MGAT4C: variants seen among roughly 807,000 people sequenced by gnomAD.
MGAT4C encodes alpha-1,3-mannosyl-glycoprotein 4-beta-N-acetylglucosaminyltransferase C.
In MGAT4C, 19 loss-of-function variants were observed where a neutral mutation model predicts 40.1. The ratio of observed to expected loss-of-function variants is 0.47; its 90% CI spans 0.33 to 0.70. MGAT4C has a LOEUF of 0.70. Ranked by LOEUF, MGAT4C falls within the 30% of genes least tolerant of loss-of-function variation. MGAT4C has a pLI of 0.02. For missense variants in MGAT4C, 491 were observed against 563.2 expected (o/e 0.87, Z 1.30); for synonymous variants, 181 against 187.1 (o/e 0.97, Z 0.27).
At chr12:86,124,545 C>T (rs1444352013) in intron 1 of MGAT4C, among the ~76,000 whole-genome samples, 2 of 152,204 alleles carry the variant, frequency 1.3e-5, no homozygotes, top group African/African-American at 4.8e-5. Flanking sequence ...GCTCACAAAA[C>T]ATCCTAATTT....
At chr12:86,720,105 C>A (rs1196109793) in intron 2 of MGAT4C, among the ~76,000 whole-genome samples, 28 of 152,222 alleles carry the variant, frequency 1.8e-4, no homozygotes, top group Admixed American at 1.8e-3. Flanking sequence ...TGGTGGTGGA[C>A]AGGTGGGGGA....
chr12:86,340,686 A>G (rs994928386), intron 3 of MGAT4C, among the ~76,000 whole-genome samples: 1 of 152,146 alleles, frequency 6.6e-6, no homozygotes, highest in African/African-American at 2.4e-5. Flanking sequence ...GGATATCATT[A>G]TTGATGACTC....
chr12:86,023,195 A>T (rs1889930629), intron 2 of MGAT4C, among the ~76,000 whole-genome samples: 1 of 152,126 alleles, frequency 6.6e-6, no homozygotes, highest in Admixed American at 6.6e-5. Flanking sequence ...TTGAAGGGAA[A>T]TGTTATGTTA....
intron 2 of MGAT4C, among the ~76,000 whole-genome samples, chr12:86,598,601 A>G (rs1462110275): frequency 6.6e-6 from 1 of 152,096 alleles, no homozygotes; most frequent in Non-Finnish European, 1.5e-5. Flanking sequence ...CAAAACCTAA[A>G]CATGTAGTGT....
intron 2 of MGAT4C, among the ~76,000 whole-genome samples, chr12:86,661,309 T>C (rs1365428879): frequency 4.6e-5 from 7 of 151,920 alleles, no homozygotes; most frequent in African/African-American, 1.7e-4. Context: ...AAGCAAATAA[T>C]TTTATGAGTA....
intron 3 of MGAT4C, among the ~76,000 whole-genome samples, chr12:86,381,144 A>C (rs1955920435): frequency 6.6e-6 from 1 of 152,188 alleles, no homozygotes; most frequent in South Asian, 2.1e-4. Context: ...TATAGTTGGA[A>C]TCATGTGTAC....
At chr12:86,101,907 ACCT>A (rs1272347784) in intron 1 of MGAT4C, among the ~76,000 whole-genome samples, 1 of 151,822 alleles carries the variant, frequency 6.6e-6, no homozygotes, top group East Asian at 1.9e-4. Context: ...CAAGTTGAAA[ACCT>A]CCTACTGAAT....
chr12:86,426,003 TAA>T (rs1956918276), intron 3 of MGAT4C, among the ~76,000 whole-genome samples: 1 of 152,186 alleles, frequency 6.6e-6, no homozygotes, highest in Non-Finnish European at 1.5e-5. Context: ...AAATAAAAAT[TAA>T]AAAGTTTTCC....
intron 1 of MGAT4C, among the ~76,000 whole-genome samples, chr12:86,837,298 T>A (rs1286525321): frequency 1.3e-5 from 2 of 152,226 alleles, no homozygotes; most frequent in African/African-American, 4.8e-5. Context: ...GAGGACTTTA[T>A]ACTCTTTTCT....
intron 2 of MGAT4C, among the ~76,000 whole-genome samples, chr12:86,545,730 A>T (rs1310898129): frequency 6.6e-6 from 1 of 151,836 alleles, no homozygotes; most frequent in Non-Finnish European, 1.5e-5. Context: ...AGACAAATGA[A>T]CTTTAACTCT....
At chr12:86,510,433 T>C (rs1011259851) in intron 2 of MGAT4C, among the ~76,000 whole-genome samples, 4 of 152,128 alleles carry the variant, frequency 2.6e-5, no homozygotes, top group Non-Finnish European at 4.4e-5. Context: ...CTGCATCAAC[T>C]AACAGGCAAA....
At chr12:86,005,066 C>T (rs529450971) in intron 2 of MGAT4C, among the ~76,000 whole-genome samples, 60 of 152,264 alleles carry the variant, frequency 3.9e-4, no homozygotes, top group Non-Finnish European at 7.5e-4. Flanking sequence ...GATCACACCT[C>T]GTTACCCTCT....
intron 4 of MGAT4C, among the ~76,000 whole-genome samples, chr12:86,264,859 G>C (rs1486274643): frequency 6.6e-6 from 1 of 152,196 alleles, no homozygotes; most frequent in Non-Finnish European, 1.5e-5. Flanking sequence ...CCAGTCGGCT[G>C]TGCCCACTCT....
chr12:86,817,525 T>C (rs1246047540), intron 1 of MGAT4C, among the ~76,000 whole-genome samples: 1 of 151,572 alleles, frequency 6.6e-6, no homozygotes, highest in Non-Finnish European at 1.5e-5. Flanking sequence ...CTTATTTTTT[T>C]CTATGGTTTT....
chr12:86,702,948 CA>C (rs1159721490), intron 2 of MGAT4C, among the ~76,000 whole-genome samples: 6 of 152,062 alleles, frequency 3.9e-5, no homozygotes, highest in Non-Finnish European at 8.8e-5. Flanking sequence ...GCACTAAGAA[CA>C]TTTATGATTT....
chr12:86,079,816 C>T (rs903147775), intron 1 of MGAT4C, among the ~76,000 whole-genome samples: 14 of 151,660 alleles, frequency 9.2e-5, no homozygotes, highest in African/African-American at 3.4e-4. Flanking sequence ...TCTTTAAACA[C>T]TAAAAATATT....
At chr12:86,405,005 T>A (rs750732708) in intron 3 of MGAT4C, among the ~76,000 whole-genome samples, 2 of 151,940 alleles carry the variant, frequency 1.3e-5, no homozygotes, top group Non-Finnish European at 2.9e-5. Context: ...AGATATTCCA[T>A]CTCTCAATCT....
chr12:86,387,819 T>C (rs1360462544), intron 3 of MGAT4C, among the ~76,000 whole-genome samples: 1 of 152,178 alleles, frequency 6.6e-6, no homozygotes, highest in Non-Finnish European at 1.5e-5. Context: ...GCATTATTTA[T>C]CAAATACTGT....
chr12:86,764,857 C>G (rs1393925963), intron 1 of MGAT4C, among the ~76,000 whole-genome samples: 2 of 152,068 alleles, frequency 1.3e-5, no homozygotes, highest in Non-Finnish European at 2.9e-5. Flanking sequence ...ACACCAAAAA[C>G]CCATCTGTAC....
Sources: allele counts gnomAD v4.1 joint callset (sites outside exome capture counted in the v4.1 genomes callset), GRCh38; gene constraint gnomAD v4.1.1; transcripts MANE v1.5; gene names NCBI Gene and HGNC (gene_info 2026-07-23, HGNC 2026-07-21).